The following MLLT3 variants were observed in gnomAD, a reference collection of about 807,000 sequenced individuals.
MLLT3 encodes MLLT3 super elongation complex subunit.
Under a neutral mutation model 53.2 loss-of-function variants are expected in MLLT3, and 4 were observed. The observed-to-expected ratio is 0.08, with a 90% confidence interval of 0.04 to 0.17. The LOEUF is 0.17. Among genes scored for constraint, MLLT3 ranks in the 10% least tolerant of loss-of-function variants. The probability of loss-of-function intolerance (pLI) is 1.00; values close to 1 mark genes in which losing one functional copy is unlikely to be tolerated. For missense variants in MLLT3, 569 were observed against 684.0 expected (o/e 0.83, Z 1.87); for synonymous variants, 283 against 230.6 (o/e 1.23, Z -2.06).
At chr9:20,556,989 T>C (rs1312282899) in intron 2 of MLLT3, among the ~76,000 whole-genome samples, 9 of 152,158 alleles carry the variant, frequency 5.9e-5, no homozygotes, top group Non-Finnish European at 1.3e-4. Flanking sequence ...CCAGTAGCAG[T>C]CGGTCTGCAC....
chr9:20,471,453 C>T (rs970480498), intron 2 of MLLT3, among the ~76,000 whole-genome samples: 1 of 151,994 alleles, frequency 6.6e-6, no homozygotes, highest in Non-Finnish European at 1.5e-5. Flanking sequence ...ATGAAAATCA[C>T]ACAAGAAACA....
intron 2 of MLLT3, among the ~76,000 whole-genome samples, chr9:20,508,558 T>C (rs1409297034): frequency 6.6e-6 from 1 of 152,058 alleles, no homozygotes; most frequent in Admixed American, 6.5e-5. Flanking sequence ...AGACAAAAGA[T>C]TAAAAATTCA....
chr9:20,433,818 C>T (rs1264846164), intron 4 of MLLT3, among the ~76,000 whole-genome samples: 1 of 151,826 alleles, frequency 6.6e-6, no homozygotes, highest in Non-Finnish European at 1.5e-5. Flanking sequence ...CTTTTGCTAT[C>T]AAAATAAAGG....
chr9:20,596,855 C>T lies in MLLT3; in HGVS notation c.193+23799G>A, dbSNP rs185109372. On this transcript the variant is annotated intron_variant, in intron 2 of 10. Coordinates refer to ENST00000380338, the MANE Select transcript of MLLT3 (RefSeq NM_004529.4). ...CAGTTGGAGTTCTGACTGATAGGGA[C>T]TGTATGTAACCTGAAGCAATTTGGG... is the stretch of plus-strand genomic sequence containing the variant. Among the ~76,000 whole-genome samples the T allele has an allele frequency of 3.9e-3, 590 of 152,240 alleles. 5 individuals carry two copies. Among genetic ancestry groups the T allele is most frequent in the African/African-American group, 0.014 (564 of 41,532 alleles).
At chr9:20,475,062 C>CG (rs898837990) in intron 2 of MLLT3, among the ~76,000 whole-genome samples, 36 of 151,988 alleles carry the variant, frequency 2.4e-4, no homozygotes, top group South Asian at 2.1e-4. Flanking sequence ...GAGAAATGGC[C>CG]GGGGGGTGGG....
chr9:20,366,811 C>T (rs1563938671), intron 5 of MLLT3, among the ~76,000 whole-genome samples: 1 of 152,124 alleles, frequency 6.6e-6, no homozygotes, highest in Non-Finnish European at 1.5e-5. Context: ...GGCCAACAAA[C>T]ATATGAAAAA....
intron 2 of MLLT3, among the ~76,000 whole-genome samples, chr9:20,509,952 A>G (rs1825487030): frequency 6.6e-6 from 1 of 151,966 alleles, no homozygotes; most frequent in African/African-American, 2.4e-5. Flanking sequence ...CAGGTTCTTC[A>G]TAAAGATGAG....
chr9:20,569,778 A>G (rs1819481974), intron 2 of MLLT3, among the ~76,000 whole-genome samples: 1 of 152,140 alleles, frequency 6.6e-6, no homozygotes, highest in South Asian at 2.1e-4. Flanking sequence ...TAGCTATTTC[A>G]GTCCCTGTTT....
At chr9:20,402,516 C>T (rs951321747) in intron 5 of MLLT3, among the ~76,000 whole-genome samples, 7 of 151,906 alleles carry the variant, frequency 4.6e-5, no homozygotes, top group African/African-American at 9.7e-5. Flanking sequence ...GGGTTTCGTC[C>T]GCTGAGAACA....
At chr9:20,601,711 C>T (rs1193278665) in intron 2 of MLLT3, among the ~76,000 whole-genome samples, 1 of 123,954 alleles carries the variant, frequency 8.1e-6, no homozygotes, top group Non-Finnish European at 1.9e-5. Context: ...CTTCCTAAAC[C>T]CTTTCTTTTT....
chr9:20,454,698 T>C lies in MLLT3; in HGVS notation c.276+2006A>G, dbSNP rs545053583. The stretch of plus-strand genomic sequence containing the variant: ...GAAATTAAAACACTGGCTATGAGGA[T>C]GTGACAAGAGGGAAGAAAAGCACCA... On this transcript the variant is annotated intron_variant, in intron 3 of 10. Coordinates refer to ENST00000380338, the MANE Select transcript of MLLT3 (RefSeq NM_004529.4). Among the ~76,000 whole-genome samples, 5 of 152,330 alleles carry C rather than the reference T, an allele frequency of 3.3e-5. No individual in the cohort carries two copies. The South Asian group carries it at 1.0e-3, about 32-fold the overall frequency.
Position 20,414,032 on chromosome 9 carries a change from T to A in MLLT3, c.814A>T (p.Ile272Phe). 1.2e-6 allele frequency: 2 copies of A among 1,614,192 alleles called. No individual in the cohort carries two copies. The highest frequency in any genetic ancestry group is 1.7e-6 in the Non-Finnish European group (2 of 1,180,028). ...GCCTTCTTATCTTGTCCACTGGTGA[T>A]GGTGAGTAAGTTACTATCTGGTTTT... ...EPKPDSNLLT[I>F]TSGQDKKAPS... The change falls in exon 5 of 11, where the codon ATC becomes TTC. Residue 272 changes from isoleucine (I) to phenylalanine (F), a missense_variant. Physicochemically the swap from Ile to Phe is conservative, Grantham distance 21 (BLOSUM62 0). Around this residue, in one of 5 missense-constraint regions of MLLT3, gnomAD observed 437 missense variants for 376.5 expected, o/e 1.16. Transcript: ENST00000380338.
At chr9:20,455,911 T>G (rs112516559) in intron 3 of MLLT3, among the ~76,000 whole-genome samples, 3,136 of 150,384 alleles carry the variant, frequency 0.021, 118 homozygotes, top group African/African-American at 0.072. Flanking sequence ...TTATGCCACA[T>G]ATGTACTGCT....
intron 10 of MLLT3, among the ~76,000 whole-genome samples, chr9:20,351,401 G>T (rs1448583172): frequency 6.6e-6 from 1 of 152,158 alleles, no homozygotes; most frequent in Non-Finnish European, 1.5e-5. Flanking sequence ...AAATAAATGT[G>T]GAACATGTGG....
At chr9:20,622,011 G>A (rs1821029851) in intron 1 of MLLT3, 7 of 1,386,066 alleles carry the variant, frequency 5.1e-6, no homozygotes, top group South Asian at 1.6e-5. Flanking sequence ...GGGGGTGGAG[G>A]GGCGAGTGTG....
intron 4 of MLLT3, among the ~76,000 whole-genome samples, chr9:20,442,065 T>C (rs1823568868): frequency 6.6e-6 from 1 of 152,162 alleles, no homozygotes; most frequent in Admixed American, 6.5e-5. Context: ...ACTTAGAATA[T>C]TTCCAATTTA....
intron 4 of MLLT3, among the ~76,000 whole-genome samples, chr9:20,432,266 A>G (rs1449460929): frequency 6.6e-6 from 1 of 152,216 alleles, no homozygotes; most frequent in African/African-American, 2.4e-5. Context: ...CAGTGAATAA[A>G]TGCTTGAATA....
At position 20,579,721 on chromosome 9, in the gene MLLT3, C is replaced by T. The variant is rs73648231; in HGVS notation, c.193+40933G>A. On this transcript the variant is annotated intron_variant, in intron 2 of 10. Coordinates refer to ENST00000380338, the MANE Select transcript of MLLT3 (RefSeq NM_004529.4). ...AAAGAGCTCTTTGCTCTAACCCCAC[C>T]CTTTTTACTCACTACTAAGTCCAAA... 7.2e-3 allele frequency among the ~76,000 whole-genome samples: 1,089 copies of T among 152,206 alleles called. 11 individuals carry two copies. The highest frequency in any genetic ancestry group is 0.025 in the African/African-American group (1,022 of 41,528).
intron 2 of MLLT3, among the ~76,000 whole-genome samples, chr9:20,487,325 T>C (rs553546831): frequency 6.6e-6 from 1 of 152,286 alleles, no homozygotes; most frequent in Non-Finnish European, 1.5e-5. Flanking sequence ...AAAATCTTGC[T>C]GCTGTCTAGC....
Sources: allele counts gnomAD v4.1 joint callset (sites outside exome capture counted in the v4.1 genomes callset), GRCh38; gene constraint gnomAD v4.1.1; regional missense constraint gnomAD v4.1.1; transcripts MANE v1.5; gene names NCBI Gene and HGNC (gene_info 2026-07-23, HGNC 2026-07-21).